CSMD1: variants seen among roughly 807,000 people sequenced by gnomAD.
CSMD1 encodes CUB and sushi domain-containing protein 1.
A neutral mutation model predicts 417.5 loss-of-function variants in CSMD1; 213 were observed. That is an observed-to-expected ratio of 0.51 (90% confidence interval 0.46 to 0.57). The LOEUF (loss-of-function observed/expected upper bound fraction) is 0.57. CSMD1 is among the 20% of genes least tolerant of loss of function. The pLI is 0.00. For synonymous variants in CSMD1, 2,862 were observed against 1,736.8 expected (o/e 1.65, Z -16.11); for missense variants, 6,923 against 4,529.7 (o/e 1.53, Z -15.17).
chr8:3,671,053 A>ATATATATGTATG (rs1336776035), intron 7 of CSMD1, among the ~76,000 whole-genome samples: 2 of 43,870 alleles, frequency 4.6e-5, no homozygotes, highest in African/African-American at 2.3e-4. Flanking sequence ...ATATGTATAT[A>ATATATATGTATG]GGATATATAT....
rs548680936 is a variant in CSMD1 at position 4,089,976 on chromosome 8, C to T, written c.416-57877G>A. The stretch of plus-strand genomic sequence containing the variant: ...CGTTGCTGACTTTCAGATAGAATGC[C>T]GCTATAATGGAAACCTACTTTCTCT... On this transcript the variant is annotated intron_variant, in intron 3 of 69. Transcript: ENST00000635120. 1.8e-4 allele frequency among the ~76,000 whole-genome samples: 28 copies of T among 152,150 alleles called. 1 individual carries two copies. The highest frequency in any genetic ancestry group is 3.4e-3 in the Middle Eastern group (1 of 292).
At chr8:3,762,619 C>T (rs151236726) in intron 5 of CSMD1, among the ~76,000 whole-genome samples, 12 of 152,324 alleles carry the variant, frequency 7.9e-5, no homozygotes, top group South Asian at 2.1e-4. Context: ...GGCCCTAAGC[C>T]GCTCTTGTCT....
At chr8:4,026,105 G>T (rs1237039646) in intron 4 of CSMD1, among the ~76,000 whole-genome samples, 1 of 151,848 alleles carries the variant, frequency 6.6e-6, no homozygotes, top group Non-Finnish European at 1.5e-5. Context: ...TCATTCGTGT[G>T]AATTATCTCA....
intron 11 of CSMD1, among the ~76,000 whole-genome samples, chr8:3,491,852 G>A (rs369972378): frequency 6.6e-6 from 1 of 152,210 alleles, no homozygotes; most frequent in African/African-American, 2.4e-5. Context: ...CACCCGGCGG[G>A]TACCCCGAGT....
chr8:4,070,949 A>T (rs1799523763), intron 3 of CSMD1, among the ~76,000 whole-genome samples: 1 of 152,120 alleles, frequency 6.6e-6, no homozygotes, highest in Non-Finnish European at 1.5e-5. Context: ...ATGGTGTTTG[A>T]TGTAAAATCA....
chr8:4,441,117 T>TTTTTTTTTTTTTTTTTTA (rs1798450978), intron 2 of CSMD1, among the ~76,000 whole-genome samples: 1 of 142,360 alleles, frequency 7.0e-6, no homozygotes, highest in Non-Finnish European at 1.5e-5. Context: ...TTTTTTTTTT[T>TTTTTTTTTTTTTTTTTTA]TAAGAGATAG....
At chr8:3,626,322 C>T (rs772959463) in intron 7 of CSMD1, among the ~76,000 whole-genome samples, 3 of 152,112 alleles carry the variant, frequency 2.0e-5, no homozygotes, top group Non-Finnish European at 2.9e-5. Context: ...TTTGGGGGCT[C>T]ACTCAAAAAT....
At chr8:4,739,619 G>C (rs966458671) in intron 1 of CSMD1, among the ~76,000 whole-genome samples, 16 of 152,164 alleles carry the variant, frequency 1.1e-4, no homozygotes, top group Non-Finnish European at 2.1e-4. Flanking sequence ...CACATGCTCA[G>C]TGGTTATCAT....
chr8:4,898,344 A>G (rs926568827), intron 1 of CSMD1, among the ~76,000 whole-genome samples: 2 of 151,924 alleles, frequency 1.3e-5, no homozygotes, highest in South Asian at 4.1e-4. Flanking sequence ...ATTTATAATT[A>G]TTTGTTGCAA....
At chr8:4,076,534 G>A (rs1323772153) in intron 3 of CSMD1, among the ~76,000 whole-genome samples, 3 of 152,096 alleles carry the variant, frequency 2.0e-5, no homozygotes, top group Admixed American at 6.5e-5. Flanking sequence ...AGCCAAAAAC[G>A]AATACCTAAA....
At chr8:3,633,115 A>C (rs186657605) in intron 7 of CSMD1, among the ~76,000 whole-genome samples, 169 of 152,328 alleles carry the variant, frequency 1.1e-3, no homozygotes, top group African/African-American at 3.8e-3. Context: ...TTTAACATTT[A>C]TTTCTCTAAC....
chr8:4,059,150 G>C (rs1016447636), intron 3 of CSMD1, among the ~76,000 whole-genome samples: 1 of 152,124 alleles, frequency 6.6e-6, no homozygotes, highest in Admixed American at 6.5e-5. Context: ...ACTCAGAACC[G>C]CTTAACTACA....
chr8:2,965,000 T>C (rs562541589), intron 59 of CSMD1, among the ~76,000 whole-genome samples: 4 of 152,326 alleles, frequency 2.6e-5, no homozygotes, highest in East Asian at 1.9e-4. Flanking sequence ...CATCTTCTTA[T>C]GTTTGGTCAC....
intron 52 of CSMD1, among the ~76,000 whole-genome samples, chr8:3,014,920 ATAAT>A (rs1808709669): frequency 6.6e-6 from 1 of 152,086 alleles, no homozygotes; most frequent in South Asian, 2.1e-4. Flanking sequence ...TGTCTCAAAC[ATAAT>A]TAAATAAATA....
intron 12 of CSMD1, among the ~76,000 whole-genome samples, chr8:3,449,403 G>A (rs748367972): frequency 1.3e-5 from 2 of 152,146 alleles, no homozygotes; most frequent in Middle Eastern, 3.4e-3. Context: ...CCAAGTCAGA[G>A]GAAACCCCAG....
chr8:4,793,953 C>G (rs964365153), intron 1 of CSMD1, among the ~76,000 whole-genome samples: 1 of 151,998 alleles, frequency 6.6e-6, no homozygotes, highest in Non-Finnish European at 1.5e-5. Flanking sequence ...TGAACTGGCA[C>G]TTCTGTTAGG....
chr8:3,295,571 G>A (rs6558756), intron 25 of CSMD1, among the ~76,000 whole-genome samples: 137,037 of 152,224 alleles, frequency 0.9, 62,038 homozygotes, highest in Middle Eastern at 0.95. Flanking sequence ...ATTTTGACAC[G>A]TGGTACCGCA....
At chr8:4,521,121 T>A (rs922283193) in intron 2 of CSMD1, among the ~76,000 whole-genome samples, 3 of 152,170 alleles carry the variant, frequency 2.0e-5, no homozygotes, top group Non-Finnish European at 2.9e-5. Flanking sequence ...AACTGTTTCT[T>A]CAAAGTTCAT....
At chr8:4,347,092 C>G (rs1168952044) in intron 3 of CSMD1, among the ~76,000 whole-genome samples, 1 of 152,080 alleles carries the variant, frequency 6.6e-6, no homozygotes, top group Non-Finnish European at 1.5e-5. Flanking sequence ...TTCTTTGACC[C>G]CTCAGAAGTT....
Sources: allele counts gnomAD v4.1 joint callset (sites outside exome capture counted in the v4.1 genomes callset), GRCh38; gene constraint gnomAD v4.1.1; transcripts MANE v1.5; gene names NCBI Gene and HGNC (gene_info 2026-07-23, HGNC 2026-07-21).